RGS7: variants seen among roughly 807,000 people sequenced by gnomAD.
The protein encoded by RGS7 is regulator of G-protein signaling 7.
A neutral mutation model predicts 81.1 loss-of-function variants in RGS7; 27 were observed. The observed-to-expected ratio is 0.33, with a 90% confidence interval of 0.25 to 0.46. RGS7 has a LOEUF of 0.46. RGS7 is among the 20% of genes least tolerant of loss of function. RGS7 has a pLI of 1.00. For synonymous variants in RGS7, 208 were observed against 207.7 expected (o/e 1.00, Z -0.01); for missense variants, 396 against 607.4 (o/e 0.65, Z 3.66).
chr1:240,818,623 A>C (rs1395754548), intron 10 of RGS7, among the ~76,000 whole-genome samples: 1 of 152,242 alleles, frequency 6.6e-6, no homozygotes, highest in East Asian at 1.9e-4. Flanking sequence ...TTTATAGAAC[A>C]AGAAATTCTG....
chr1:241,216,301 A>T (rs12132577), intron 2 of RGS7, among the ~76,000 whole-genome samples: 24,404 of 151,744 alleles, frequency 0.16, 2,468 homozygotes, highest in Middle Eastern at 0.22. Flanking sequence ...AAATAAAAAT[A>T]AAAAAAGGAA....
chr1:241,042,661 C>T (rs566172736), intron 3 of RGS7, among the ~76,000 whole-genome samples: 1 of 152,116 alleles, frequency 6.6e-6, no homozygotes, highest in African/African-American at 2.4e-5. Context: ...CGGGCTTGGC[C>T]GGGCGTAGTG....
At chr1:241,171,226 A>G (rs1451365747) in intron 2 of RGS7, among the ~76,000 whole-genome samples, 1 of 152,204 alleles carries the variant, frequency 6.6e-6, no homozygotes, top group Non-Finnish European at 1.5e-5. Context: ...CATTCATCAA[A>G]TATGTCATTT....
At chr1:241,180,893 T>C (rs1027138707) in intron 2 of RGS7, among the ~76,000 whole-genome samples, 1 of 152,202 alleles carries the variant, frequency 6.6e-6, no homozygotes, top group Non-Finnish European at 1.5e-5. Flanking sequence ...CATCTATAAA[T>C]TGGGAAGAAC....
At chr1:241,063,560 A>T (rs1448917906) in intron 3 of RGS7, among the ~76,000 whole-genome samples, 2 of 152,178 alleles carry the variant, frequency 1.3e-5, no homozygotes, top group African/African-American at 4.8e-5. Flanking sequence ...TTCTCTTTAA[A>T]GGTACAGGAT....
At chr1:241,005,250 A>G (rs1053937600) in intron 3 of RGS7, among the ~76,000 whole-genome samples, 8 of 152,220 alleles carry the variant, frequency 5.3e-5, no homozygotes, top group Non-Finnish European at 1.2e-4. Flanking sequence ...GTATAGCCCT[A>G]TTTGACAGAG....
intron 9 of RGS7, among the ~76,000 whole-genome samples, chr1:240,862,948 T>A (rs914549652): frequency 1.3e-5 from 2 of 151,654 alleles, no homozygotes; most frequent in Non-Finnish European, 2.9e-5. Context: ...TGTGTGTGTG[T>A]GTGTGTGTTT....
intron 6 of RGS7, among the ~76,000 whole-genome samples, chr1:240,893,287 T>C (rs12074672): frequency 2.1e-4 from 32 of 152,212 alleles, no homozygotes; most frequent in African/African-American, 7.5e-4. Context: ...GATTAACTTA[T>C]CCATTGCATT....
chr1:241,067,249 T>A (rs1323226354), intron 3 of RGS7, among the ~76,000 whole-genome samples: 2 of 152,132 alleles, frequency 1.3e-5, no homozygotes, highest in African/African-American at 2.4e-5. Context: ...GCTTTCGAAG[T>A]ATAAGGATTG....
chr1:241,029,509 C>T (rs1490362967), intron 3 of RGS7, among the ~76,000 whole-genome samples: 1 of 152,240 alleles, frequency 6.6e-6, no homozygotes, highest in African/African-American at 2.4e-5. Flanking sequence ...GCCCTTTGAG[C>T]AGAATATTCT....
intron 2 of RGS7, among the ~76,000 whole-genome samples, chr1:241,165,203 A>G (rs2070089703): frequency 6.6e-6 from 1 of 152,250 alleles, no homozygotes; most frequent in Non-Finnish European, 1.5e-5. Context: ...TAAGATAAGT[A>G]GCATACACAC....
chr1:241,114,405 A>G (rs567808698), intron 2 of RGS7, among the ~76,000 whole-genome samples: 1 of 152,150 alleles, frequency 6.6e-6, no homozygotes, highest in South Asian at 2.1e-4. Context: ...GCCAGACACA[A>G]GTGGTGGTGG....
At chr1:241,006,031 T>C (rs1299455486) in intron 3 of RGS7, among the ~76,000 whole-genome samples, 1 of 152,202 alleles carries the variant, frequency 6.6e-6, no homozygotes, top group African/African-American at 2.4e-5. Context: ...ATTGTAGACA[T>C]ATATTTTCGT....
intron 3 of RGS7, among the ~76,000 whole-genome samples, chr1:241,011,670 AT>A (rs1291925616): frequency 6.6e-6 from 1 of 152,176 alleles, no homozygotes; most frequent in Non-Finnish European, 1.5e-5. Context: ...AAGAAAACAG[AT>A]TGATAACATT....
chr1:240,991,475 G>C (rs1468525637), intron 3 of RGS7, among the ~76,000 whole-genome samples: 1 of 152,146 alleles, frequency 6.6e-6, no homozygotes, highest in East Asian at 1.9e-4. Context: ...GAAACATCAC[G>C]TCTGCCTCTT....
chr1:241,328,704 T>C (rs1430711885), intron 2 of RGS7, among the ~76,000 whole-genome samples: 1 of 152,182 alleles, frequency 6.6e-6, no homozygotes, highest in African/African-American at 2.4e-5. Flanking sequence ...ATGGCTACTA[T>C]CTGGGATGCT....
chr1:241,158,953 C>G (rs945574227), intron 2 of RGS7, among the ~76,000 whole-genome samples: 1 of 152,170 alleles, frequency 6.6e-6, no homozygotes, highest in Non-Finnish European at 1.5e-5. Context: ...GTCTATCTGT[C>G]TCTCCATCCA....
intron 18 of RGS7, among the ~76,000 whole-genome samples, chr1:240,793,611 A>ATATATATATATATATATATTT: frequency 1.0e-3 from 82 of 78,718 alleles, no homozygotes; most frequent in Middle Eastern, 0.019. Flanking sequence ...ATATATATAT[A>ATATATATATATATATATATTT]TTTTTTTTTT....
chr1:240,933,209 G>A (rs114513777), intron 5 of RGS7, among the ~76,000 whole-genome samples: 4,027 of 151,614 alleles, frequency 0.027, 179 homozygotes, highest in African/African-American at 0.092. Context: ...TGCTTCTTAC[G>A]GAGTGCATTG....
Sources: allele counts gnomAD v4.1 joint callset (sites outside exome capture counted in the v4.1 genomes callset), GRCh38; gene constraint gnomAD v4.1.1; transcripts MANE v1.5; gene names NCBI Gene and HGNC (gene_info 2026-07-23, HGNC 2026-07-21).